The following PRICKLE1 variants were observed in gnomAD, a reference collection of about 807,000 sequenced individuals.
The protein encoded by PRICKLE1 is prickle-like protein 1.
Under a neutral mutation model 70.2 loss-of-function variants are expected in PRICKLE1, and 14 were observed. The observed-to-expected ratio is 0.20, with a 90% CI of 0.13 to 0.31. The LOEUF (loss-of-function observed/expected upper bound fraction) is 0.31, where lower values mean the gene tolerates loss of function less well. PRICKLE1 is among the 10% of genes least tolerant of loss of function. The probability of loss-of-function intolerance (pLI) is 1.00; values close to 1 mark genes in which losing one functional copy is unlikely to be tolerated. For missense variants in PRICKLE1, 821 were observed against 1,026.2 expected, an observed-to-expected ratio of 0.80 and a Z score of 2.73; for synonymous variants, 357 against 379.9, an observed-to-expected ratio of 0.94 and a Z score of 0.70.
At chr12:42,469,647 C>T (rs951918319) in intron 3 of PRICKLE1, 60 bp from the exon 4 acceptor site, 1 of 1,607,926 alleles carries the variant, frequency 6.2e-7, no homozygotes. Context: ...CACCAGTTCT[C>T]TACTTCCAGA....
At chr12:42,470,785 A>G (rs1938290320) in intron 2 of PRICKLE1, among the ~76,000 whole-genome samples, 1 of 152,070 alleles carries the variant, frequency 6.6e-6, no homozygotes, top group Non-Finnish European at 1.5e-5. Flanking sequence ...GCACGCCTGT[A>G]ATCCTAGCTA....
intron 1 of PRICKLE1, among the ~76,000 whole-genome samples, chr12:42,522,016 C>T (rs1452872397): frequency 6.7e-6 from 1 of 148,638 alleles, no homozygotes; most frequent in African/African-American, 2.5e-5. Context: ...GCTCTTGTTG[C>T]CCAGGCTAGA....
At chr12:42,569,482 G>A (rs1361399009) in intron 1 of PRICKLE1, among the ~76,000 whole-genome samples, 2 of 152,198 alleles carry the variant, frequency 1.3e-5, no homozygotes, top group Non-Finnish European at 2.9e-5. Flanking sequence ...GATGTGGGAA[G>A]ATTTCTGTGA....
chr12:42,574,786 A>T (rs1480847998), intron 1 of PRICKLE1, among the ~76,000 whole-genome samples: 1 of 152,198 alleles, frequency 6.6e-6, no homozygotes, highest in Non-Finnish European at 1.5e-5. Flanking sequence ...TCTTCAACTG[A>T]ATCATAAGTT....
Position 42,469,478 on chromosome 12 carries a change from C to A in PRICKLE1, c.356G>T (p.Arg119Ile). ...CTCACACACAGCATGCATGACTGCTCTGGACAGAAGCTTAATTGTTCCTCT... is the reference window on the plus strand; with the variant it reads ...CTCACACACAGCATGCATGACTGCTATGGACAGAAGCTTAATTGTTCCTCT... ...LGRGTIKLLS[R>I]AVMHAVCEQC... Residue 119 changes from arginine (R) to isoleucine (I), a missense_variant, in exon 4 of 8, where the codon AGA (arginine) becomes ATA (isoleucine). By Grantham distance (97) the Arg-to-Ile change is moderately conservative. Coordinates refer to ENST00000345127, the MANE Select transcript of PRICKLE1 (RefSeq NM_153026.3). 1 of 1,614,186 alleles carries A rather than the reference C, an allele frequency of 6.2e-7. No homozygotes were observed. Among genetic ancestry groups the A allele is most frequent in the Non-Finnish European group, 8.5e-7 (1 of 1,180,040 alleles).
At chr12:42,569,446 A>T (rs1940672579) in intron 1 of PRICKLE1, among the ~76,000 whole-genome samples, 1 of 152,220 alleles carries the variant, frequency 6.6e-6, no homozygotes, top group Non-Finnish European at 1.5e-5. Flanking sequence ...GAAGACTGCC[A>T]TCTAGTGCCT....
At chr12:42,495,845 G>A (rs1593138047) in intron 1 of PRICKLE1, among the ~76,000 whole-genome samples, 2 of 152,106 alleles carry the variant, frequency 1.3e-5, no homozygotes, top group South Asian at 2.1e-4. Flanking sequence ...TGCCCACCTC[G>A]GCCTCCGAAA....
intron 1 of PRICKLE1, among the ~76,000 whole-genome samples, chr12:42,539,263 C>T (rs1269222173): frequency 1.3e-5 from 2 of 151,950 alleles, no homozygotes; most frequent in Non-Finnish European, 2.9e-5. Context: ...GTCAGGAGAT[C>T]GAGACCATCC....
At chr12:42,467,461 C>T (rs531005377) in intron 5 of PRICKLE1, among the ~76,000 whole-genome samples, 3 of 152,184 alleles carry the variant, frequency 2.0e-5, no homozygotes, top group Non-Finnish European at 2.9e-5. Context: ...ATATGTTCAG[C>T]GGAGCATGGT....
chr12:42,573,959 T>C (rs1940763478), intron 1 of PRICKLE1, among the ~76,000 whole-genome samples: 2 of 152,208 alleles, frequency 1.3e-5, no homozygotes, highest in Non-Finnish European at 2.9e-5. Context: ...TGTACTATTA[T>C]TTCTTTCTCA....
At chr12:42,556,848 T>G (rs992708079) in intron 1 of PRICKLE1, among the ~76,000 whole-genome samples, 2 of 152,324 alleles carry the variant, frequency 1.3e-5, no homozygotes, top group African/African-American at 2.4e-5. Context: ...GTTTTTATGC[T>G]TTGCTCAACA....
chr12:42,510,587 T>TG (rs1939494791), intron 1 of PRICKLE1, among the ~76,000 whole-genome samples: 1 of 151,854 alleles, frequency 6.6e-6, no homozygotes, highest in Non-Finnish European at 1.5e-5. Context: ...AGCATAACTT[T>TG]TTTTTTAAAG....
At chr12:42,548,437 A>G (rs989056823) in intron 1 of PRICKLE1, among the ~76,000 whole-genome samples, 1 of 152,244 alleles carries the variant, frequency 6.6e-6, no homozygotes, top group African/African-American at 2.4e-5. Flanking sequence ...AAGTCAATAT[A>G]GAAGACAAAA....
chr12:42,555,507 C>T (rs111649953), intron 1 of PRICKLE1, among the ~76,000 whole-genome samples: 12 of 152,220 alleles, frequency 7.9e-5, no homozygotes, highest in African/African-American at 2.6e-4. Context: ...AAATTTAAAA[C>T]CTTTCACAAC....
chr12:42,465,567 C>T (rs1241808754), intron 6 of PRICKLE1: 2 of 375,388 alleles, frequency 5.3e-6, no homozygotes, highest in Non-Finnish European at 9.6e-6. Context: ...TTTGTTTCAG[C>T]TCTCATACTG....
chr12:42,546,032 A>G (rs1236050041), intron 1 of PRICKLE1, among the ~76,000 whole-genome samples: 1 of 152,084 alleles, frequency 6.6e-6, no homozygotes, highest in Admixed American at 6.6e-5. Context: ...GATGTAAAAA[A>G]GCAATCTTTC....
At chr12:42,509,426 G>C (rs1242804733) in intron 1 of PRICKLE1, among the ~76,000 whole-genome samples, 1 of 152,150 alleles carries the variant, frequency 6.6e-6, no homozygotes, top group Non-Finnish European at 1.5e-5. Flanking sequence ...TAAGTTCCAA[G>C]GGTCTTTCCA....
intron 2 of PRICKLE1, among the ~76,000 whole-genome samples, chr12:42,471,618 C>A (rs181563296): frequency 1.4e-4 from 21 of 152,326 alleles, no homozygotes; most frequent in Admixed American, 1.2e-3. Context: ...ATACCCTATT[C>A]TCATAAAACG....
chr12:42,530,967 A>G (rs4238083), intron 1 of PRICKLE1, among the ~76,000 whole-genome samples: 137,102 of 150,178 alleles, frequency 0.91, 63,023 homozygotes, highest in Non-Finnish European at 0.98. Flanking sequence ...CACCGTGCCC[A>G]GCCATCAGAT....
Sources: allele counts gnomAD v4.1 joint callset (sites outside exome capture counted in the v4.1 genomes callset), GRCh38; gene constraint gnomAD v4.1.1; transcripts MANE v1.5; gene names NCBI Gene and HGNC (gene_info 2026-07-23, HGNC 2026-07-21).